The following LMOD2 variants were observed in gnomAD, a reference collection of about 807,000 sequenced individuals.
LMOD2 encodes the protein leiomodin 2.
In LMOD2, 27 loss-of-function variants were observed where a neutral mutation model predicts 41.7. The observed-to-expected ratio is 0.65, with a 90% CI of 0.48 to 0.89. LMOD2 has a LOEUF of 0.89. Among genes scored for constraint, LMOD2 ranks in the 40% least tolerant of loss-of-function variants. The pLI is 0.00. For synonymous variants in LMOD2, 251 were observed against 244.6 expected (o/e 1.03, Z -0.25); for missense variants, 624 against 667.9 (o/e 0.93, Z 0.72).
chr7:123,658,287 G>A (rs1410241501), intron 1 of LMOD2, among the ~76,000 whole-genome samples: 1 of 152,152 alleles, frequency 6.6e-6, no homozygotes, highest in Non-Finnish European at 1.5e-5. Flanking sequence ...CCAGCTGTCT[G>A]TAGTTGCCAG....
At chr7:123,657,419 G>A (rs1037657531) in intron 1 of LMOD2, among the ~76,000 whole-genome samples, 3 of 152,134 alleles carry the variant, frequency 2.0e-5, no homozygotes, top group Non-Finnish European at 4.4e-5. Flanking sequence ...GGCCACAATT[G>A]CAGCAAGATA....
Position 123,662,342 on chromosome 7 carries a change from C to A in LMOD2, c.756C>A (p.Ala252=). The change falls in exon 2 of 3, where the codon GCC becomes GCA. Residue 252 remains alanine (A), a synonymous_variant. Coordinates refer to ENST00000458573, the MANE Select transcript of LMOD2 (RefSeq NM_207163.3). The surrounding 1 kb of genome is among the most constrained non-coding windows in gnomAD (Gnocchi z 4.0). ...VKTFSLANTH[A]DDSAAMAIAE... Reference sequence around the variant, plus strand: ...CGTTCAGTCTGGCCAACACGCATGCCGACGACAGTGCAGCCATGGCCATTG... The same window carrying A: ...CGTTCAGTCTGGCCAACACGCATGCAGACGACAGTGCAGCCATGGCCATTG... 6 of 1,614,014 alleles carry A rather than the reference C, an allele frequency of 3.7e-6. No homozygotes were observed. The highest frequency in any genetic ancestry group is 5.1e-6 in the Non-Finnish European group (6 of 1,179,894).
chr7:123,663,740 C>A lies in LMOD2; in HGVS notation c.1639C>A (p.Arg547=), dbSNP rs375457267. 1.3e-6 allele frequency: 2 copies of A among 1,577,830 alleles called. No homozygotes were observed. The highest frequency in any genetic ancestry group is 2.3e-5 in the East Asian group (1 of 43,764). Residue 547 remains arginine (R), a synonymous_variant, in exon 3 of 3, where the codon CGA becomes AGA. Coordinates refer to ENST00000458573, the MANE Select transcript of LMOD2 (RefSeq NM_207163.3). ...LKRVEVPEAL[R] ...GTAGGTGGAAGTTCCAGAAGCCCTGCGATAAAAACATGATCTTTAGAAGAG... is the reference window on the plus strand; with the variant it reads ...GTAGGTGGAAGTTCCAGAAGCCCTGAGATAAAAACATGATCTTTAGAAGAG...
At position 123,663,098 on chromosome 7, in the gene LMOD2, AGAG is replaced by A; in HGVS notation, c.1513_1515del (p.Glu505del). 1 of 1,562,316 alleles carries A rather than the reference AGAG, an allele frequency of 6.4e-7. No individual in the cohort carries two copies. Among genetic ancestry groups the A allele is most frequent in the Non-Finnish European group, 8.7e-7 (1 of 1,153,058 alleles). ...TAAAAAATTCTCTGAGGTCAGTGCA[AGAG>A]AAGAAAATGGAAGACAGTTCCCGAC... On this transcript the variant is annotated inframe_deletion, in exon 2 of 3. Transcript: ENST00000458573.
In LMOD2 at chr7:123,662,828, T is replaced by A. The variant is rs763229250; in HGVS notation, c.1242T>A (p.Pro414=). The change falls in exon 2 of 3, where the codon CCT becomes CCA. Residue 414 remains proline, a synonymous_variant. Coordinates refer to ENST00000458573, the MANE Select transcript of LMOD2 (RefSeq NM_207163.3). The surrounding 1 kb of genome is among the most constrained non-coding windows in gnomAD (Gnocchi z 4.0). ...PKKVQTVRSR[P]LSPVATPPPP... is the part of the protein sequence containing the mutation. Reference sequence around the variant, plus strand: ...AAGTCCAGACTGTGAGGAGCCGTCCTCTGTCTCCTGTGGCCACACCTCCTC... The same window carrying A: ...AAGTCCAGACTGTGAGGAGCCGTCCACTGTCTCCTGTGGCCACACCTCCTC... 7.4e-6 allele frequency: 12 copies of A among 1,612,568 alleles called. No homozygotes were observed. The South Asian group carries it at 1.2e-4, about 16-fold the overall frequency.
Position 123,662,390 on chromosome 7 carries a change from G to A in LMOD2, c.804G>A (p.Glu268=), listed in dbSNP as rs1416883700. ...TTGCAGAGATGCTCAAAGTCAATGA[G>A]CACATCACCAACGTAAACGTCGAGT... ...MAIAEMLKVN[E]HITNVNVESN... is the part of the protein sequence containing the mutation. Residue 268 remains glutamate (E), a synonymous_variant, in exon 2 of 3, where the codon GAG becomes GAA. Coordinates refer to ENST00000458573, the MANE Select transcript of LMOD2 (RefSeq NM_207163.3). This position sits in a 1 kb window ranked among gnomAD's most constrained non-coding sequence, Gnocchi z 4.0. 1 of 1,613,864 alleles carries A rather than the reference G, an allele frequency of 6.2e-7. No homozygotes were observed. The highest frequency in any genetic ancestry group is 1.7e-5 in the Admixed American group (1 of 59,986).
rs766289909 is a variant in LMOD2, at chr7:123,656,045, G to A, written c.82G>A (p.Glu28Lys). Reference protein sequence around the residue: ...EDELLASLSAEELKELERELE... With the variant: ...EDELLASLSAKELKELERELE... ...TGAACTCCTCGCCTCCCTGTCAGCC[G>A]AGGAGCTGAAGGAGCTAGAGAGAGA... Residue 28 changes from glutamate (E) to lysine (K), a missense_variant, in exon 1 of 3, where the codon GAG (glutamate) becomes AAG (lysine). Transcript: ENST00000458573. 23 of 1,611,374 alleles carry A rather than the reference G, an allele frequency of 1.4e-5. No individual in the cohort carries two copies. The highest frequency in any genetic ancestry group is 2.7e-5 in the African/African-American group (2 of 74,876).
At chr7:123,659,814 A>C (rs1269108642) in intron 1 of LMOD2, among the ~76,000 whole-genome samples, 1 of 152,196 alleles carries the variant, frequency 6.6e-6, no homozygotes, top group Non-Finnish European at 1.5e-5. Flanking sequence ...ATGTCAAAGA[A>C]GGCTTTCTGG....
Position 123,662,069 on chromosome 7 carries a change from T to C in LMOD2, c.483T>C (p.Ser161=). ...ATGATAGTGTCAATTCTGACAACTC[T>C]AAGCCAAAGATATTTAAAAGTCAAA... ...VNYDSVNSDN[S]KPKIFKSQIE... Residue 161 remains serine (S), a synonymous_variant, in exon 2 of 3, where the codon TCT becomes TCC. Coordinates refer to ENST00000458573, the MANE Select transcript of LMOD2 (RefSeq NM_207163.3). This position sits in a 1 kb window ranked among gnomAD's most constrained non-coding sequence, Gnocchi z 4.0. The C allele has an allele frequency of 6.2e-7, 1 of 1,604,406 alleles. No homozygotes were observed. Among genetic ancestry groups the C allele is most frequent in the Non-Finnish European group, 8.5e-7 (1 of 1,174,880 alleles).
In LMOD2 at chr7:123,661,971, G is replaced by C. The variant is rs1057355111; in HGVS notation, c.385G>C (p.Glu129Gln). Residue 129 changes from glutamate (E) to glutamine (Q), a missense_variant, in exon 2 of 3, where the codon GAG becomes CAG. Coordinates refer to ENST00000458573, the MANE Select transcript of LMOD2 (RefSeq NM_207163.3). ...GGAGGAGGAGGAGTCCCAGGAGGAA[G>C]AGGAGGAAGAAGACAGTGACGAAGA... is the stretch of plus-strand genomic sequence containing the variant. ...EEEEEESQEEEEEEDSDEEER... is the reference protein window; with the variant it reads ...EEEEEESQEEQEEEDSDEEER... The C allele has an allele frequency of 1.0e-5, 16 of 1,558,964 alleles. No individual in the cohort carries two copies. Among genetic ancestry groups the C allele is most frequent in the Non-Finnish European group, 1.4e-5 (16 of 1,150,544 alleles).
chr7:123,663,756 T>C lies in LMOD2; in HGVS notation c.*11T>C, dbSNP rs758615563. 4.5e-6 allele frequency: 7 copies of C among 1,572,746 alleles called. No homozygotes were observed. The East Asian group carries it at 6.9e-5, about 15-fold the overall frequency. On this transcript the variant is annotated 3_prime_UTR_variant, in exon 3 of 3. Transcript: ENST00000458573. ...GAAGCCCTGCGATAAAAACATGATCTTTAGAAGAGGATGCAGAACTGTTCA... is the reference window on the plus strand; with the variant it reads ...GAAGCCCTGCGATAAAAACATGATCCTTAGAAGAGGATGCAGAACTGTTCA...
chr7:123,658,838 C>T (rs1317487351), intron 1 of LMOD2, among the ~76,000 whole-genome samples: 12 of 152,180 alleles, frequency 7.9e-5, no homozygotes, highest in East Asian at 5.8e-4. Context: ...ATAGAGTTCC[C>T]GTCAATCTGA....
At position 123,662,613 on chromosome 7, in the gene LMOD2, A is replaced by C. The variant is rs370927204; in HGVS notation, c.1027A>C (p.Ser343Arg). The C allele has an allele frequency of 1.2e-6, 2 of 1,613,892 alleles. No individual in the cohort carries two copies. Among genetic ancestry groups the C allele is most frequent in the Non-Finnish European group, 1.7e-6 (2 of 1,179,906 alleles). ...YHFELPGPRM[S>R]MTSILTRNMD... is the part of the protein sequence containing the mutation. ...TTTTGAACTCCCAGGACCAAGAATG[A>C]GCATGACGAGCATTTTGACAAGAAA... The change falls in exon 2 of 3, where the codon AGC (serine) becomes CGC (arginine). Residue 343 changes from serine to arginine, a missense_variant. Coordinates refer to ENST00000458573, the MANE Select transcript of LMOD2 (RefSeq NM_207163.3). The surrounding 1 kb of genome is among the most constrained non-coding windows in gnomAD (Gnocchi z 4.0).
intron 1 of LMOD2, among the ~76,000 whole-genome samples, chr7:123,661,030 ACC>A (rs1373136202): frequency 1.3e-5 from 2 of 152,138 alleles, no homozygotes; most frequent in African/African-American, 4.8e-5. Context: ...GTCTCATTTA[ACC>A]CTGGACTAGT....
At chr7:123,659,332 G>A (rs1802838775) in intron 1 of LMOD2, among the ~76,000 whole-genome samples, 1 of 152,122 alleles carries the variant, frequency 6.6e-6, no homozygotes, top group Non-Finnish European at 1.5e-5. Flanking sequence ...AATAAAACAG[G>A]CCCCCTAGGG....
chr7:123,662,598 C>T lies in LMOD2; in HGVS notation c.1012C>T (p.Pro338Ser). 1 of 1,613,872 alleles carries T rather than the reference C, an allele frequency of 6.2e-7. No homozygotes were observed. The highest frequency in any genetic ancestry group is 1.1e-5 in the South Asian group (1 of 91,066). The stretch of plus-strand genomic sequence containing the variant: ...GAGGCTGGGATACCATTTTGAACTC[C>T]CAGGACCAAGAATGAGCATGACGAG... ...LLRLGYHFEL[P>S]GPRMSMTSIL... is the part of the protein sequence containing the mutation. The change falls in exon 2 of 3, where the codon CCA becomes TCA. Residue 338 changes from proline to serine, a missense_variant. Pro to Ser is a moderately conservative substitution (Grantham distance 74, BLOSUM62 -1). Transcript: ENST00000458573. The surrounding 1 kb of genome is among the most constrained non-coding windows in gnomAD (Gnocchi z 4.0).
At position 123,662,237 on chromosome 7, in the gene LMOD2, T is replaced by C; in HGVS notation, c.651T>C (p.Asn217=). 1 of 1,613,946 alleles carries C rather than the reference T, an allele frequency of 6.2e-7. No individual in the cohort carries two copies. Among genetic ancestry groups the C allele is most frequent in the Non-Finnish European group, 8.5e-7 (1 of 1,179,876 alleles). The change falls in exon 2 of 3, where the codon AAT becomes AAC. Residue 217 remains asparagine (N), a synonymous_variant. Coordinates refer to ENST00000458573, the MANE Select transcript of LMOD2 (RefSeq NM_207163.3). The surrounding 1 kb of genome is among the most constrained non-coding windows in gnomAD (Gnocchi z 4.0). ...ATGACCCTGACACCACAGAAGTCAA[T>C]TTGAACAACATTGAGAACATCACAA... ...KSNDPDTTEV[N]LNNIENITTQ...
rs1341174885 is a variant in LMOD2, at chr7:123,656,197, A to G, written c.234A>G (p.Gln78=). 1 of 1,609,964 alleles carries G rather than the reference A, an allele frequency of 6.2e-7. No homozygotes were observed. The highest frequency in any genetic ancestry group is 2.2e-5 in the East Asian group (1 of 44,754). The change falls in exon 1 of 3, where the codon CAA becomes CAG. Residue 78 remains glutamine, a synonymous_variant. Transcript: ENST00000458573. The part of the protein sequence containing the change: ...ALMAYWEKES[Q]KLLEKERLGE... Reference sequence around the variant, plus strand: ...TGGCCTATTGGGAAAAGGAGTCCCAAAAACTCTTGGAGAAGGAGAGGCTGG... The same window carrying G: ...TGGCCTATTGGGAAAAGGAGTCCCAGAAACTCTTGGAGAAGGAGAGGCTGG...
chr7:123,660,442 C>T (rs938794853), intron 1 of LMOD2, among the ~76,000 whole-genome samples: 4 of 152,040 alleles, frequency 2.6e-5, no homozygotes, highest in Admixed American at 6.6e-5. Context: ...ACCCCTTCCC[C>T]AGGCCATCAC....
Sources: gnomAD v4.1 joint callset for allele counts (sites outside exome capture counted in the v4.1 genomes callset) on GRCh38, gnomAD v4.1.1 for gene constraint, Gnocchi (gnomAD v3.1) non-coding constraint, MANE v1.5 for transcripts, NCBI Gene and HGNC (gene_info 2026-07-23, HGNC 2026-07-21) for gene names.